C18orf54: variants seen among roughly 807,000 people sequenced by gnomAD.
C18orf54 encodes the protein lung adenoma susceptibility protein 2.
C18orf54 carries 49 observed loss-of-function variants against 49.3 expected under a neutral mutation model. The observed-to-expected ratio is 0.99, with a 90% CI of 0.79 to 1.26. C18orf54 has a LOEUF of 1.26. C18orf54 is among the 50% of genes most tolerant of loss of function. C18orf54 has a pLI of 0.00. For synonymous variants in C18orf54, 211 were observed against 216.6 expected (o/e 0.97, Z 0.23); for missense variants, 687 against 620.6 (o/e 1.11, Z -1.14).
At chr18:54,367,495 A>G (rs951632776) in intron 6 of C18orf54, among the ~76,000 whole-genome samples, 1 of 151,244 alleles carries the variant, frequency 6.6e-6, no homozygotes, top group Non-Finnish European at 1.5e-5. Context: ...TTTGCTCCAT[A>G]TAGTATCTTG....
At chr18:54,373,032 GTTATGAA>G (rs1295506615) in intron 7 of C18orf54, among the ~76,000 whole-genome samples, 2 of 151,734 alleles carry the variant, frequency 1.3e-5, no homozygotes, top group South Asian at 2.1e-4. Context: ...TTCATTGGCT[GTTATGAA>G]TACAGTTATA....
chr18:54,378,739 T>C lies in C18orf54; in HGVS notation c.*493T>C, dbSNP rs2089617147. The C allele has an allele frequency of 6.6e-6, 1 of 152,228 alleles. No individual in the cohort carries two copies. The highest frequency in any genetic ancestry group is 2.4e-5 in the African/African-American group (1 of 41,458). 9.4% of individuals were successfully genotyped at this position (152,228 alleles called of 1,614,324 possible). On this transcript the variant is annotated 3_prime_UTR_variant, in exon 9 of 9. Transcript: ENST00000620105. ...ATTGTGTATCTCATCTATAAGGAAG[T>C]CTGTTACTTTGAAATTTTCATAAAT...
At chr18:54,373,517 G>T (rs1401892220) in intron 7 of C18orf54, among the ~76,000 whole-genome samples, 4 of 151,788 alleles carry the variant, frequency 2.6e-5, no homozygotes, top group Non-Finnish European at 5.9e-5. Context: ...TAACTAAAAT[G>T]TTGTATCCTT....
At position 54,361,645 on chromosome 18, in the gene C18orf54, T is replaced by C; in HGVS notation, c.286T>C (p.Phe96Leu). 6.3e-7 allele frequency: 1 copy of C among 1,577,598 alleles called. No individual in the cohort carries two copies. Reference protein sequence around the residue: ...CNYIYKPNNAFENLDHKKHSN... With the variant: ...CNYIYKPNNALENLDHKKHSN... ...CAAAACTGTTCTTCGTTTTTCAGCT[T>C]TTGAAAACCTTGATCACAAAAAGCA... Residue 96 changes from phenylalanine (F) to leucine (L), a missense_variant and splice_region_variant, in exon 4 of 9, where the codon TTT becomes CTT. Physicochemically the swap from Phe to Leu is conservative, Grantham distance 22. Coordinates refer to ENST00000620105, the MANE Select transcript of C18orf54 (RefSeq NM_001288980.2).
rs532378705 is a variant in C18orf54 at position 54,377,333 on chromosome 18, G to A, written c.1530-841G>A. On this transcript the variant is annotated intron_variant, in intron 8 of 8. Coordinates refer to ENST00000620105, the MANE Select transcript of C18orf54 (RefSeq NM_001288980.2). ...CTCCCAAAGTGCATGGATTACAGGC[G>A]TGAGCCACTGCTTCCGGCCCTTCCT... Among the ~76,000 whole-genome samples, 121 of 152,230 alleles carry A rather than the reference G, an allele frequency of 7.9e-4. 2 individuals carry two copies. In the Middle Eastern group the frequency reaches 0.01, roughly 13 times the overall value.
intron 8 of C18orf54, among the ~76,000 whole-genome samples, chr18:54,376,708 A>T (rs2089577748): frequency 6.6e-6 from 1 of 152,232 alleles, no homozygotes; most frequent in Admixed American, 6.5e-5. Flanking sequence ...TTAGTCAATG[A>T]AGGTGGGAAT....
In C18orf54 at chr18:54,361,675, A is replaced by G; in HGVS notation, c.316A>G (p.Asn106Asp). The G allele has an allele frequency of 6.3e-7, 1 of 1,595,806 alleles. No homozygotes were observed. Among genetic ancestry groups the G allele is most frequent in the Non-Finnish European group, 8.5e-7 (1 of 1,173,342 alleles). Residue 106 changes from asparagine to aspartate, a missense_variant, in exon 4 of 9, where the codon AAC (asparagine) becomes GAC (aspartate). Asn to Asp is a conservative substitution (Grantham distance 23). Coordinates refer to ENST00000620105, the MANE Select transcript of C18orf54 (RefSeq NM_001288980.2). Reference sequence around the variant, plus strand: ...AAACCTTGATCACAAAAAGCACTCAAACTTCATATCCTGTAGAAGACACAC... The same window carrying G: ...AAACCTTGATCACAAAAAGCACTCAGACTTCATATCCTGTAGAAGACACAC... ...FENLDHKKHS[N>D]FISCRRHTVN...
At chr18:54,362,462 T>C in intron 4 of C18orf54, 31 bp downstream of exon 4, 1 of 1,431,568 alleles carries the variant, frequency 7.0e-7, no homozygotes, top group Non-Finnish European at 9.1e-7. Flanking sequence ...TATAGTTATT[T>C]ATTTTTCTTT....
At chr18:54,361,284 C>T (rs1023723252) in intron 3 of C18orf54, among the ~76,000 whole-genome samples, 2 of 152,062 alleles carry the variant, frequency 1.3e-5, no homozygotes, top group Non-Finnish European at 2.9e-5. Context: ...ATTTTTCCAC[C>T]TAGTTTAATA....
At position 54,360,601 on chromosome 18, in the gene C18orf54, T is replaced by G. The variant is rs756079510; in HGVS notation, c.29T>G (p.Leu10Arg). MAKSKTKHR[L>R]CSQESSVSAL... The stretch of plus-strand genomic sequence containing the variant: ...GCGAAATCAAAGACAAAACATAGAC[T>G]TTGTTCTCAGGAATCTTCAGTATCT... The change falls in exon 3 of 9, where the codon CTT becomes CGT. Residue 10 changes from leucine (L) to arginine (R), a missense_variant. Physicochemically the swap from Leu to Arg is moderately radical, Grantham distance 102. Coordinates refer to ENST00000620105, the MANE Select transcript of C18orf54 (RefSeq NM_001288980.2). 5.0e-6 allele frequency: 8 copies of G among 1,613,886 alleles called. No individual in the cohort carries two copies. The African/African-American group carries it at 1.1e-4, about 22-fold the overall frequency.
At chr18:54,363,190 G>A (rs953256345) in intron 5 of C18orf54, among the ~76,000 whole-genome samples, 3 of 152,118 alleles carry the variant, frequency 2.0e-5, no homozygotes, top group Non-Finnish European at 4.4e-5. Flanking sequence ...TAATATGAGG[G>A]ATTAGAACCA....
chr18:54,362,549 C>G, intron 4 of C18orf54, 118 bp downstream of exon 4: 3 of 953,224 alleles, frequency 3.1e-6, no homozygotes, highest in Non-Finnish European at 4.5e-6. Flanking sequence ...TGTAATACAT[C>G]TTTTTGGAAT....
rs552047371 is a variant in C18orf54, at chr18:54,373,475, A to G, written c.1459-739A>G. On this transcript the variant is annotated intron_variant, in intron 7 of 8. Coordinates refer to ENST00000620105, the MANE Select transcript of C18orf54 (RefSeq NM_001288980.2). The stretch of plus-strand genomic sequence containing the variant: ...TTTTTAATTTTAGTCACCATGTTGT[A>G]CAATAGATCTCTTGACCTTATTCTT... Among the ~76,000 whole-genome samples, 213 of 151,964 alleles carry G rather than the reference A, an allele frequency of 1.4e-3. 1 individual carries two copies. Among genetic ancestry groups the G allele is most frequent in the African/African-American group, 5.0e-3 (206 of 41,544 alleles).
At position 54,379,006 on chromosome 18, in the gene C18orf54, C is replaced by G. The variant is rs1203711626; in HGVS notation, c.*760C>G. The G allele has an allele frequency of 2.6e-5, 4 of 151,984 alleles. No individual in the cohort carries two copies. 9.4% of individuals were successfully genotyped at this position (151,984 alleles called of 1,614,324 possible). Reference sequence around the variant, plus strand: ...ATTTTAATTTTGGGGTTGGCTCAAACTAGTGAAAACTATGACTCAATGGCC... The same window carrying G: ...ATTTTAATTTTGGGGTTGGCTCAAAGTAGTGAAAACTATGACTCAATGGCC... On this transcript the variant is annotated 3_prime_UTR_variant, in exon 9 of 9. Coordinates refer to ENST00000620105, the MANE Select transcript of C18orf54 (RefSeq NM_001288980.2).
At position 54,378,717 on chromosome 18, in the gene C18orf54, G is replaced by GT. The variant is rs1320777929; in HGVS notation, c.*472dup. 2 of 152,220 alleles carry GT rather than the reference G, an allele frequency of 1.3e-5. No homozygotes were observed. Among genetic ancestry groups the GT allele is most frequent in the African/African-American group, 4.8e-5 (2 of 41,422 alleles). The allele number at this position is 152,220 out of a possible 1,614,324, so 9.4% of individuals were successfully genotyped here. On this transcript the variant is annotated 3_prime_UTR_variant, in exon 9 of 9. Coordinates refer to ENST00000620105, the MANE Select transcript of C18orf54 (RefSeq NM_001288980.2). ...TTAAAGGAATATCAAAATTGTTATT[G>GT]TGTATCTCATCTATAAGGAAGTCTG...
rs781035337 is a variant in C18orf54, at chr18:54,374,256, A to G, written c.1501A>G (p.Met501Val). Reference sequence around the variant, plus strand: ...CTCTAAATTACAGTTGAAGGAAAGTATGATTCCTATTACTAGGTCACTTCA... The same window carrying G: ...CTCTAAATTACAGTTGAAGGAAAGTGTGATTCCTATTACTAGGTCACTTCA... ...DFSKLQLKESMIPITRSLQKA... is the reference protein window; with the variant it reads ...DFSKLQLKESVIPITRSLQKA... Residue 501 changes from methionine to valine, a missense_variant, in exon 8 of 9, where the codon ATG (methionine) becomes GTG (valine). Physicochemically the swap from Met to Val is conservative, Grantham distance 21. Transcript: ENST00000620105. 3 of 1,585,484 alleles carry G rather than the reference A, an allele frequency of 1.9e-6. No homozygotes were observed. Among genetic ancestry groups the G allele is most frequent in the African/African-American group, 1.3e-5 (1 of 74,202 alleles).
At chr18:54,369,468 T>A (rs2089445861) in intron 6 of C18orf54, among the ~76,000 whole-genome samples, 1 of 19,232 alleles carries the variant, frequency 5.2e-5, no homozygotes, top group Non-Finnish European at 8.3e-5. Flanking sequence ...GTATATTGCT[T>A]TTTTTTTTTT....
At chr18:54,363,732 C>T (rs981463514) in intron 5 of C18orf54, among the ~76,000 whole-genome samples, 7 of 152,026 alleles carry the variant, frequency 4.6e-5, no homozygotes, top group African/African-American at 1.7e-4. Context: ...CCATATCATG[C>T]CTTAGGCTTT....
intron 3 of C18orf54, among the ~76,000 whole-genome samples, 183 bp downstream of exon 3, chr18:54,361,038 G>A (rs921495542): frequency 6.6e-6 from 1 of 152,160 alleles, no homozygotes; most frequent in East Asian, 1.9e-4. Flanking sequence ...ATATTCACAA[G>A]ATGTTAAGAG....
Sources: allele counts gnomAD v4.1 joint callset (sites outside exome capture counted in the v4.1 genomes callset), GRCh38; gene constraint gnomAD v4.1.1; transcripts MANE v1.5; gene names NCBI Gene and HGNC (gene_info 2026-07-23, HGNC 2026-07-21).